Variants in SMYD3 observed in about 807,000 individuals in gnomAD.
SMYD3 encodes the protein histone-lysine N-methyltransferase SMYD3.
In SMYD3, 36 loss-of-function variants were observed where a neutral mutation model predicts 57.7. The observed-to-expected ratio is 0.62, with a 90% CI of 0.48 to 0.82. The LOEUF (loss-of-function observed/expected upper bound fraction) is 0.82. SMYD3 is among the 40% of genes least tolerant of loss of function. The pLI is 0.00. For missense variants in SMYD3, 515 were observed against 538.8 expected, an observed-to-expected ratio of 0.96 and a Z score of 0.44; for synonymous variants, 211 against 195.0, an observed-to-expected ratio of 1.08 and a Z score of -0.68.
In SMYD3 at chr1:246,423,807, C is replaced by G. The variant is rs556888430; in HGVS notation, c.165-68713G>C. ...AGGGAGAAGAAAATGAGGTTGAAGT[C>G]TAAGTTTCAGAACAAGTAGAATCTT... On this transcript the variant is annotated intron_variant, in intron 1 of 11. Coordinates refer to ENST00000490107, the MANE Select transcript of SMYD3 (RefSeq NM_001167740.2). 4.6e-5 allele frequency among the ~76,000 whole-genome samples: 7 copies of G among 152,234 alleles called. No individual in the cohort carries two copies. The South Asian group carries it at 1.0e-3, about 23-fold the overall frequency.
chr1:245,994,989 G>A (rs575600694), intron 5 of SMYD3, among the ~76,000 whole-genome samples: 1 of 152,082 alleles, frequency 6.6e-6, no homozygotes, highest in African/African-American at 2.4e-5. Flanking sequence ...GCTGAGGGTG[G>A]TGGCATGCGC....
At chr1:245,980,450 T>G (rs150412100) in intron 5 of SMYD3, among the ~76,000 whole-genome samples, 29 of 152,354 alleles carry the variant, frequency 1.9e-4, no homozygotes, top group African/African-American at 6.7e-4. Context: ...AGTCATTGTG[T>G]TGGAAGGACG....
At chr1:245,915,770 G>T in intron 7 of SMYD3, 130 bp from the exon 8 acceptor site, 1 of 553,346 alleles carries the variant, frequency 1.8e-6, no homozygotes, top group Non-Finnish European at 3.2e-6. Flanking sequence ...TAAGAGAGAA[G>T]GTACTGCTTA....
At chr1:246,229,960 G>A (rs2063387000) in intron 5 of SMYD3, among the ~76,000 whole-genome samples, 1 of 152,158 alleles carries the variant, frequency 6.6e-6, no homozygotes, top group Admixed American at 6.5e-5. Context: ...TCTACCTTCA[G>A]CTCTAAAAAT....
chr1:246,063,920 G>C (rs1376550404), intron 5 of SMYD3, among the ~76,000 whole-genome samples: 1 of 152,158 alleles, frequency 6.6e-6, no homozygotes, highest in Non-Finnish European at 1.5e-5. Flanking sequence ...GATTAGAGGC[G>C]TAAGCCACCA....
intron 5 of SMYD3, among the ~76,000 whole-genome samples, chr1:246,274,804 T>A (rs997530617): frequency 8.5e-5 from 13 of 152,048 alleles, no homozygotes; most frequent in African/African-American, 2.9e-4. Flanking sequence ...TCTGCTTGGA[T>A]CAGAATTCAG....
At chr1:246,205,240 G>C (rs578211516) in intron 5 of SMYD3, among the ~76,000 whole-genome samples, 2 of 152,194 alleles carry the variant, frequency 1.3e-5, no homozygotes, top group Non-Finnish European at 2.9e-5. Context: ...TCACAAATTA[G>C]CTCAAGAAAA....
At chr1:245,818,269 C>G (rs1323797031) in intron 10 of SMYD3, among the ~76,000 whole-genome samples, 1 of 152,112 alleles carries the variant, frequency 6.6e-6, no homozygotes, top group African/African-American at 2.4e-5. Flanking sequence ...AATTTTCAAC[C>G]CAGAATTTCA....
intron 5 of SMYD3, among the ~76,000 whole-genome samples, chr1:246,264,847 T>G (rs1572302684): frequency 6.6e-6 from 1 of 152,232 alleles, no homozygotes; most frequent in South Asian, 2.1e-4. Flanking sequence ...CACTATTTAC[T>G]AAGTGCTATG....
intron 5 of SMYD3, among the ~76,000 whole-genome samples, chr1:246,315,669 G>A (rs1324563362): frequency 1.3e-5 from 2 of 152,136 alleles, no homozygotes; most frequent in African/African-American, 2.4e-5. Context: ...TAATAAAACA[G>A]TATTTTTGTC....
chr1:246,044,205 C>T (rs2059924985), intron 5 of SMYD3, among the ~76,000 whole-genome samples: 1 of 152,010 alleles, frequency 6.6e-6, no homozygotes, highest in African/African-American at 2.4e-5. Context: ...AGAGGAGTTT[C>T]TGTGCAAAAA....
At chr1:246,001,057 G>A (rs777839189) in intron 5 of SMYD3, among the ~76,000 whole-genome samples, 7 of 152,130 alleles carry the variant, frequency 4.6e-5, no homozygotes, top group East Asian at 1.9e-4. Flanking sequence ...CAAGTCTTAC[G>A]AAATGAGGCC....
At chr1:246,236,182 A>G (rs553824163) in intron 5 of SMYD3, among the ~76,000 whole-genome samples, 1 of 151,396 alleles carries the variant, frequency 6.6e-6, no homozygotes, top group South Asian at 2.2e-4. Context: ...TTCTTAATAA[A>G]GAAATATTAT....
chr1:246,446,258 G>C (rs144324659), intron 1 of SMYD3, among the ~76,000 whole-genome samples: 88 of 152,200 alleles, frequency 5.8e-4, no homozygotes, highest in African/African-American at 2.1e-3. Context: ...ATCACTACAT[G>C]TAGCAAATAA....
intron 5 of SMYD3, among the ~76,000 whole-genome samples, chr1:245,952,680 C>T (rs1373540498): frequency 6.6e-6 from 1 of 152,174 alleles, no homozygotes; most frequent in African/African-American, 2.4e-5. Context: ...CTTAGCAGGT[C>T]TCACATTCTG....
intron 5 of SMYD3, among the ~76,000 whole-genome samples, chr1:246,119,195 T>G (rs944265520): frequency 2.0e-5 from 3 of 151,804 alleles, no homozygotes; most frequent in Admixed American, 2.0e-4. Context: ...TAAATTTTTT[T>G]TTTATTTTTG....
chr1:245,949,860 A>G (rs2057566386), intron 5 of SMYD3, among the ~76,000 whole-genome samples: 1 of 143,802 alleles, frequency 7.0e-6, no homozygotes, highest in African/African-American at 2.5e-5. Context: ...CCAAGAAACA[A>G]CAAATTAAAA....
At chr1:245,953,317 A>T (rs1395430414) in intron 5 of SMYD3, 1 of 996,558 alleles carries the variant, frequency 1.0e-6, no homozygotes, top group Non-Finnish European at 1.2e-6. Flanking sequence ...CTAGACCAAA[A>T]TCTTTCAATT....
rs139755313 is a variant in SMYD3 at position 246,154,205 on chromosome 1, G to A, written c.531+172996C>T. On this transcript the variant is annotated intron_variant, in intron 5 of 11. Transcript: ENST00000490107. ...AAATAATAAGGGCCTTAAAGGCTCCGATGGCTTCATTGTGCCATCCGCTCT... is the reference window on the plus strand; with the variant it reads ...AAATAATAAGGGCCTTAAAGGCTCCAATGGCTTCATTGTGCCATCCGCTCT... Among the ~76,000 whole-genome samples the A allele has an allele frequency of 1.9e-3, 291 of 152,294 alleles. 3 individuals carry two copies. Among genetic ancestry groups the A allele is most frequent in the Middle Eastern group, 6.8e-3 (2 of 294 alleles).
Sources: gnomAD v4.1 joint callset for allele counts (sites outside exome capture counted in the v4.1 genomes callset) on GRCh38, gnomAD v4.1.1 for gene constraint, MANE v1.5 for transcripts, NCBI Gene and HGNC (gene_info 2026-07-23, HGNC 2026-07-21) for gene names.